The following DNAH10 variants were observed in gnomAD, a reference collection of about 807,000 sequenced individuals.
The protein encoded by DNAH10 is axonemal beta dynein heavy chain 10.
DNAH10 carries 348 observed loss-of-function variants against 506.6 expected under a neutral mutation model. That is an observed-to-expected ratio of 0.69 (90% CI 0.63 to 0.75). The LOEUF is 0.75. Ranked by LOEUF, DNAH10 falls within the 30% of genes least tolerant of loss-of-function variation. The pLI, the probability that DNAH10 is intolerant of heterozygous loss-of-function variation, is 0.00. For missense variants in DNAH10, 5,179 were observed against 5,787.1 expected (o/e 0.89, Z 3.41); for synonymous variants, 2,059 against 2,198.6 (o/e 0.94, Z 1.78).
At chr12:123,875,992 A>G (rs1250899994) in intron 47 of DNAH10, among the ~76,000 whole-genome samples, 1 of 152,188 alleles carries the variant, frequency 6.6e-6, no homozygotes, top group Non-Finnish European at 1.5e-5. Context: ...CATAGCAGCT[A>G]CTCATTGGTT....
intron 18 of DNAH10, among the ~76,000 whole-genome samples, chr12:123,807,094 A>G (rs1446753219): frequency 6.6e-6 from 1 of 151,946 alleles, no homozygotes; most frequent in African/African-American, 2.4e-5. Context: ...TGATCCATTT[A>G]TTAACTCATT....
At chr12:123,833,384 A>T in intron 27 of DNAH10, 37 bp downstream of exon 27, 1 of 1,490,446 alleles carries the variant, frequency 6.7e-7, no homozygotes. Context: ...GATTAGAGCC[A>T]GTGCATAGCA....
intron 21 of DNAH10, among the ~76,000 whole-genome samples, chr12:123,814,776 G>T (rs1263818827): frequency 2.0e-5 from 3 of 151,820 alleles, no homozygotes; most frequent in Non-Finnish European, 4.4e-5. Flanking sequence ...CACCACACCC[G>T]GCTAATTATT....
At chr12:123,780,385 C>T (rs555861868) in intron 5 of DNAH10, among the ~76,000 whole-genome samples, 51 of 151,674 alleles carry the variant, frequency 3.4e-4, no homozygotes, top group African/African-American at 1.2e-3. Flanking sequence ...AGGCTGGTCT[C>T]GAACTCCTGA....
chr12:123,810,247 A>G (rs1168796247), intron 19 of DNAH10, among the ~76,000 whole-genome samples: 1 of 152,208 alleles, frequency 6.6e-6, no homozygotes, highest in Non-Finnish European at 1.5e-5. Context: ...CTTTGTGGGT[A>G]TGGGGCATCA....
intron 23 of DNAH10, among the ~76,000 whole-genome samples, chr12:123,819,696 T>A (rs1959210512): frequency 6.7e-6 from 1 of 149,254 alleles, no homozygotes; most frequent in Non-Finnish European, 1.5e-5. Flanking sequence ...AATACTAAAA[T>A]TCTGTTTTTT....
rs1012279524 is a variant in DNAH10 at position 123,850,812 on chromosome 12, C to T, written c.6103-76C>T. ...GAAAATGAATCGCCACGCAGCTCGC[C>T]GCAGGCCCCCTTTCCAAGGGGCTGG... On this transcript the variant is annotated intron_variant, in intron 34 of 78. Coordinates refer to ENST00000673944, the MANE Select transcript of DNAH10 (RefSeq NM_001372106.1). This position sits in a 1 kb window ranked among gnomAD's most constrained non-coding sequence, Gnocchi z 5.5. 3.7e-5 allele frequency: 54 copies of T among 1,464,980 alleles called. No homozygotes were observed. In the East Asian group the frequency reaches 4.9e-4, roughly 13 times the overall value. The allele number at this position is 1,464,980 out of a possible 1,614,324, so 90.7% of individuals were successfully genotyped here.
intron 21 of DNAH10, among the ~76,000 whole-genome samples, chr12:123,817,173 T>C (rs575556910): frequency 6.6e-6 from 1 of 150,930 alleles, no homozygotes; most frequent in Non-Finnish European, 1.5e-5. Context: ...AGTTGTAATA[T>C]GATGTAACTA....
chr12:123,781,646 A>G (rs1957655672), intron 6 of DNAH10, among the ~76,000 whole-genome samples: 1 of 152,020 alleles, frequency 6.6e-6, no homozygotes. Context: ...TTGTATTTTT[A>G]ATAGAGACGG....
intron 19 of DNAH10, 53 bp from the exon 20 acceptor site, chr12:123,813,110 GA>G: frequency 7.2e-7 from 1 of 1,379,798 alleles, no homozygotes; most frequent in Non-Finnish European, 1.0e-6. Context: ...ATGTACGTTG[GA>G]GGCAAAATAG....
chr12:123,768,157 A>G (rs1407887735), intron 2 of DNAH10, among the ~76,000 whole-genome samples: 1 of 151,138 alleles, frequency 6.6e-6, no homozygotes, highest in East Asian at 1.9e-4. Flanking sequence ...TTTTTGAGAC[A>G]GGGTCTCGCT....
At chr12:123,802,409 G>A (rs1309035456) in intron 16 of DNAH10, among the ~76,000 whole-genome samples, 1 of 152,132 alleles carries the variant, frequency 6.6e-6, no homozygotes, top group Non-Finnish European at 1.5e-5. Context: ...GGGTTCAAGC[G>A]ATTCTCCTGC....
At chr12:123,824,482 C>A (rs1261185053) in intron 24 of DNAH10, among the ~76,000 whole-genome samples, 1 of 152,096 alleles carries the variant, frequency 6.6e-6, no homozygotes, top group Non-Finnish European at 1.5e-5. Context: ...GATGGGCTCA[C>A]CTGGTGCCTT....
chr12:123,826,003 C>T (rs951005524), intron 24 of DNAH10, among the ~76,000 whole-genome samples: 17 of 151,872 alleles, frequency 1.1e-4, no homozygotes, highest in African/African-American at 2.4e-4. Context: ...GCATGTCTGT[C>T]GTCTCAGCTA....
intron 29 of DNAH10, among the ~76,000 whole-genome samples, chr12:123,839,382 A>G (rs1950686481): frequency 6.6e-6 from 1 of 152,120 alleles, no homozygotes; most frequent in African/African-American, 2.4e-5. Context: ...AAGTTCCTTG[A>G]TCTCTCTGGA....
chr12:123,868,563 G>T (rs138341133), intron 43 of DNAH10, among the ~76,000 whole-genome samples: 1 of 152,178 alleles, frequency 6.6e-6, no homozygotes, highest in Non-Finnish European at 1.5e-5. Context: ...TTTGTAAATC[G>T]TTCATAGGAA....
At position 123,903,855 on chromosome 12, in the gene DNAH10, C is replaced by T. The variant is rs1566076799; in HGVS notation, c.9815+742C>T. 6.6e-6 allele frequency among the ~76,000 whole-genome samples: 1 copy of T among 152,034 alleles called. No homozygotes were observed. Among genetic ancestry groups the T allele is most frequent in the African/African-American group, 2.4e-5 (1 of 41,378 alleles). On this transcript the variant is annotated intron_variant, in intron 57 of 78. Transcript: ENST00000673944. This position sits in a 1 kb window ranked among gnomAD's most constrained non-coding sequence, Gnocchi z 4.6. ...GCCTGGCCCCGCACAGACCCCTCGG[C>T]GTGGGAGCCTCAGCTCTCTCCTTCC...
chr12:123,821,120 G>T (rs1959356484), intron 24 of DNAH10, among the ~76,000 whole-genome samples: 2 of 152,118 alleles, frequency 1.3e-5, no homozygotes, highest in African/African-American at 2.4e-5. Context: ...TATAGTGGCA[G>T]GTGCCTGTAA....
rs145040370 is a variant in DNAH10 at position 123,926,142 on chromosome 12, G to A, written c.11922-495G>A. On this transcript the variant is annotated intron_variant, in intron 68 of 78. Coordinates refer to ENST00000673944, the MANE Select transcript of DNAH10 (RefSeq NM_001372106.1). This position sits in a 1 kb window ranked among gnomAD's most constrained non-coding sequence, Gnocchi z 4.1. Reference sequence around the variant, plus strand: ...GCTACTAAGGAAGCTGAGGTGGGAGGATTGCTTGAGCCCAAGAGTTTGAGG... The same window carrying A: ...GCTACTAAGGAAGCTGAGGTGGGAGAATTGCTTGAGCCCAAGAGTTTGAGG... 0.038 allele frequency: 5,767 copies of A among 151,690 alleles called. 343 individuals carry two copies. The highest frequency in any genetic ancestry group is 0.12 in the African/African-American group (5,015 of 41,198). The allele number at this position is 151,690 out of a possible 1,614,324, so 9.4% of individuals were successfully genotyped here.
Sources: allele counts gnomAD v4.1 joint callset (sites outside exome capture counted in the v4.1 genomes callset), GRCh38; gene constraint gnomAD v4.1.1; non-coding constraint Gnocchi (gnomAD v3.1); transcripts MANE v1.5; gene names NCBI Gene and HGNC (gene_info 2026-07-23, HGNC 2026-07-21).